Variants in SENP8 observed in about 807,000 individuals in gnomAD.
The protein encoded by SENP8 is sentrin-specific protease 8.
A neutral mutation model predicts 14.4 loss-of-function variants in SENP8; 10 were observed. That is an observed-to-expected ratio of 0.69 (90% CI 0.43 to 1.18). The LOEUF (loss-of-function observed/expected upper bound fraction) is 1.18. SENP8 is among the 50% of genes most tolerant of loss of function. SENP8 has a pLI of 0.00. For synonymous variants in SENP8, 94 were observed against 95.5 expected (o/e 0.98, Z 0.09); for missense variants, 202 against 249.4 (o/e 0.81, Z 1.28).
chr15:72,126,453 C>A (rs1468837888), intron 1 of SENP8, among the ~76,000 whole-genome samples: 1 of 151,926 alleles, frequency 6.6e-6, no homozygotes, highest in African/African-American at 2.4e-5. Flanking sequence ...GAAACCCTGT[C>A]TCTACTAAAA....
chr15:72,130,103 T>C (rs776162718), intron 1 of SENP8, among the ~76,000 whole-genome samples: 5 of 152,020 alleles, frequency 3.3e-5, no homozygotes, highest in Non-Finnish European at 7.4e-5. Context: ...GGCAGGAGAA[T>C]CACTTGAACC....
intron 1 of SENP8, among the ~76,000 whole-genome samples, chr15:72,136,708 G>C (rs1308261883): frequency 6.6e-6 from 1 of 152,070 alleles, no homozygotes; most frequent in Non-Finnish European, 1.5e-5. Context: ...AAAATAACTG[G>C]TCTAATGGTC....
At chr15:72,137,341 C>A (rs928703038) in intron 1 of SENP8, among the ~76,000 whole-genome samples, 1 of 152,026 alleles carries the variant, frequency 6.6e-6, no homozygotes, top group Non-Finnish European at 1.5e-5. Context: ...AATGACTGCT[C>A]AAGATGATAC....
rs1342520234 is a variant in SENP8 at position 72,140,374 on chromosome 15, AT to A, written c.*113del. The A allele has an allele frequency of 1.4e-6, 1 of 740,120 alleles. No homozygotes were observed. The highest frequency in any genetic ancestry group is 2.6e-5 in the East Asian group (1 of 38,058). 45.8% of individuals were successfully genotyped at this position (740,120 alleles called of 1,614,324 possible). A position where few individuals can be genotyped will look rare whatever the true frequency, so the allele number is the denominator to read the frequency against. On this transcript the variant is annotated 3_prime_UTR_variant, in exon 2 of 2. Transcript: ENST00000340912. ...AAGATGCCTAGTAGAGGAAAGCTTA[AT>A]ACTCTTTTTCCTGAAAGAATATCAT...
intron 1 of SENP8, among the ~76,000 whole-genome samples, chr15:72,133,763 T>A (rs1230969184): frequency 2.0e-5 from 3 of 152,142 alleles, no homozygotes; most frequent in Admixed American, 6.5e-5. Flanking sequence ...ACAAAATAGG[T>A]TTAAGCTCAG....
At chr15:72,117,252 G>A (rs1385347846), upstream of SENP8, 1 of 152,256 alleles carries the variant, frequency 6.6e-6, no homozygotes, top group African/African-American at 2.4e-5. Flanking sequence ...AGCTGGGAGG[G>A]GTTCTACTAA....
At chr15:72,120,917 G>C (rs56103540) in intron 1 of SENP8, among the ~76,000 whole-genome samples, 57,674 of 152,192 alleles carry the variant, frequency 0.38, 13,520 homozygotes, top group Non-Finnish European at 0.52. Context: ...TGAAAACAAA[G>C]ATGCAATTGT....
chr15:72,129,180 A>G (rs1022963153), intron 1 of SENP8, among the ~76,000 whole-genome samples: 3 of 152,228 alleles, frequency 2.0e-5, no homozygotes, highest in Non-Finnish European at 4.4e-5. Flanking sequence ...TAAAATAGAC[A>G]ATTATCGTTA....
intron 1 of SENP8, among the ~76,000 whole-genome samples, chr15:72,129,839 C>CT: frequency 6.7e-6 from 1 of 149,926 alleles, no homozygotes; most frequent in East Asian, 2.0e-4. Context: ...GAGACCCAGT[C>CT]TAAAAAAAAA....
chr15:72,140,318 GT>G lies in SENP8; in HGVS notation c.*58del. 1 of 1,282,514 alleles carries G rather than the reference GT, an allele frequency of 7.8e-7. No homozygotes were observed. The highest frequency in any genetic ancestry group is 1.1e-6 in the Non-Finnish European group (1 of 894,262). 79.4% of individuals were successfully genotyped at this position (1,282,514 alleles called of 1,614,324 possible). ...CTCCTCTTTCTGCCCTTCCCCATTTGTTGGATGGCTGCAATCTCAGTGCCTG... is the reference window on the plus strand; with the variant it reads ...CTCCTCTTTCTGCCCTTCCCCATTTGTGGATGGCTGCAATCTCAGTGCCTG... On this transcript the variant is annotated 3_prime_UTR_variant, in exon 2 of 2. Transcript: ENST00000340912.
chr15:72,117,984 A>G (rs1255621911), upstream of SENP8: 11 of 399,462 alleles, frequency 2.8e-5, no homozygotes, highest in Non-Finnish European at 4.0e-5. Flanking sequence ...CGGTGCAACT[A>G]CTGCCTCCGC....
chr15:72,139,488 T>C (rs1279578747), intron 1 of SENP8, 89 bp from the exon 2 acceptor site: 1 of 1,270,142 alleles, frequency 7.9e-7, no homozygotes, highest in African/African-American at 1.5e-5. Context: ...CAACTGTGTA[T>C]TTTTTTACCA....
chr15:72,140,062 C>T lies in SENP8; in HGVS notation c.439C>T (p.Leu147=). 1 of 1,614,200 alleles carries T rather than the reference C, an allele frequency of 6.2e-7. No homozygotes were observed. The highest frequency in any genetic ancestry group is 8.5e-7 in the Non-Finnish European group (1 of 1,180,040). Residue 147 remains leucine (L), a synonymous_variant, in exon 2 of 2, where the codon CTG becomes TTG. Transcript: ENST00000340912. ...EAFLGRKGDK[L]AFVEEKAPAQ... ...TTTCTTAGGCAGAAAAGGAGACAAACTGGCCTTTGTGGAAGAGAAAGCCCC... is the reference window on the plus strand; with the variant it reads ...TTTCTTAGGCAGAAAAGGAGACAAATTGGCCTTTGTGGAAGAGAAAGCCCC...
chr15:72,132,148 C>A (rs2081279056), intron 1 of SENP8, among the ~76,000 whole-genome samples: 1 of 152,040 alleles, frequency 6.6e-6, no homozygotes, highest in Non-Finnish European at 1.5e-5. Context: ...GACTTCCTAG[C>A]CCTAAAACAT....
Position 72,139,892 on chromosome 15 carries a change from T to A in SENP8, c.269T>A (p.Ile90Asn), listed in dbSNP as rs762611359. 1.2e-6 allele frequency: 2 copies of A among 1,614,206 alleles called. No homozygotes were observed. The highest frequency in any genetic ancestry group is 1.1e-5 in the South Asian group (1 of 91,084). The change falls in exon 2 of 2, where the codon ATC (isoleucine) becomes AAC (asparagine). Residue 90 changes from isoleucine (I) to asparagine (N), a missense_variant. Coordinates refer to ENST00000340912, the MANE Select transcript of SENP8 (RefSeq NM_145204.4). ...AACAAGAGAGTTGTATTTTTAGCCA[T>A]CAATGATAACTCCAACCAGGCAGCT... ...LPNKRVVFLA[I>N]NDNSNQAAGG...
At chr15:72,115,154 G>C (rs1332496702), upstream of SENP8, among the ~76,000 whole-genome samples, 2 of 152,142 alleles carry the variant, frequency 1.3e-5, no homozygotes, top group African/African-American at 4.8e-5. Flanking sequence ...GTTTTTTAAA[G>C]GCACTTAATC....
upstream of SENP8, among the ~76,000 whole-genome samples, chr15:72,116,282 C>T (rs1325363529): frequency 6.6e-5 from 10 of 151,290 alleles, no homozygotes; most frequent in Admixed American, 5.9e-4. Flanking sequence ...GTTACTTTAA[C>T]ATTTTTTACT....
upstream of SENP8, among the ~76,000 whole-genome samples, chr15:72,116,392 T>C (rs1421393403): frequency 6.6e-6 from 1 of 152,226 alleles, no homozygotes; most frequent in African/African-American, 2.4e-5. Flanking sequence ...CATTTCTTTC[T>C]TGACAACTCA....
upstream of SENP8, chr15:72,117,736 T>G: frequency 2.5e-6 from 1 of 397,588 alleles, no homozygotes; most frequent in Admixed American, 4.4e-5. Context: ...GAAGCTGCCT[T>G]CCACCCTCCG....
Sources: gnomAD v4.1 joint callset for allele counts (sites outside exome capture counted in the v4.1 genomes callset) on GRCh38, gnomAD v4.1.1 for gene constraint, MANE v1.5 for transcripts, NCBI Gene and HGNC (gene_info 2026-07-23, HGNC 2026-07-21) for gene names.